The following SLC24A2 variants were observed in gnomAD, a reference collection of about 807,000 sequenced individuals.
The protein encoded by SLC24A2 is solute carrier family 24 member 2.
Under a neutral mutation model 62.0 loss-of-function variants are expected in SLC24A2, and 36 were observed. The ratio of observed to expected loss-of-function variants is 0.58; its 90% confidence interval spans 0.44 to 0.77. The LOEUF is 0.77. Among genes scored for constraint, SLC24A2 ranks in the 30% least tolerant of loss-of-function variants. The probability of loss-of-function intolerance (pLI) is 0.00; values close to 1 mark genes in which losing one functional copy is unlikely to be tolerated. For synonymous variants in SLC24A2, 358 were observed against 294.0 expected (o/e 1.22, Z -2.23); for missense variants, 846 against 817.9 (o/e 1.03, Z -0.42).
chr9:20,005,078 G>T, the SLC24A2 span, among the ~76,000 whole-genome samples: 1 of 152,052 alleles, frequency 6.6e-6, no homozygotes, highest in East Asian at 1.9e-4. Flanking sequence ...CCAAATATGG[G>T]CATTAAAACT....
At chr9:19,926,440 C>G in the SLC24A2 span, 3 of 152,046 alleles carry the variant, frequency 2.0e-5, no homozygotes, top group Admixed American at 2.0e-4. Flanking sequence ...TGCTGCCAAG[C>G]GCAAGCATTC....
intron 2 of SLC24A2, among the ~76,000 whole-genome samples, chr9:19,763,217 C>A (rs1004423877): frequency 1.3e-5 from 2 of 152,186 alleles, no homozygotes; most frequent in African/African-American, 4.8e-5. Flanking sequence ...AGTTTTTGAG[C>A]TGAGACAATG....
At chr9:19,663,555 C>G (rs898271070) in intron 2 of SLC24A2, among the ~76,000 whole-genome samples, 15 of 152,112 alleles carry the variant, frequency 9.9e-5, no homozygotes, top group African/African-American at 3.6e-4. Context: ...GGGAATGGAT[C>G]AGAACAGCAG....
At chr9:19,534,541 T>C (rs974259264) in intron 8 of SLC24A2, among the ~76,000 whole-genome samples, 6 of 151,976 alleles carry the variant, frequency 3.9e-5, no homozygotes, top group African/African-American at 1.4e-4. Flanking sequence ...CAGTGTGTGA[T>C]GATCCCCTCC....
chr9:20,052,150 T>C, the SLC24A2 span, among the ~76,000 whole-genome samples: 18 of 152,330 alleles, frequency 1.2e-4, no homozygotes, highest in East Asian at 3.5e-3. Flanking sequence ...ATTTAATTGC[T>C]TCATTAACAT....
intron 5 of SLC24A2, among the ~76,000 whole-genome samples, chr9:19,579,861 C>A (rs1836150468): frequency 6.6e-6 from 1 of 152,252 alleles, no homozygotes; most frequent in African/African-American, 2.4e-5. Context: ...GGAAGGGGAG[C>A]CATGCCCTCT....
intron 2 of SLC24A2, among the ~76,000 whole-genome samples, chr9:19,728,967 C>T (rs1213086477): frequency 2.0e-5 from 3 of 152,124 alleles, no homozygotes; most frequent in Non-Finnish European, 4.4e-5. Flanking sequence ...GCACAGGAGC[C>T]TGAGGTAGGC....
chr9:20,272,223 G>A, the SLC24A2 span, among the ~76,000 whole-genome samples: 2 of 152,176 alleles, frequency 1.3e-5, no homozygotes, highest in South Asian at 2.1e-4. Flanking sequence ...ATTAGAAAAT[G>A]AAGTCCTTTT....
chr9:19,959,973 T>G, the SLC24A2 span, among the ~76,000 whole-genome samples: 1,312 of 152,302 alleles, frequency 8.6e-3, 5 homozygotes, highest in Non-Finnish European at 0.012. Context: ...TTTTCTTTAA[T>G]AATTATATTT....
chr9:20,156,844 C>A, the SLC24A2 span, among the ~76,000 whole-genome samples: 1 of 151,642 alleles, frequency 6.6e-6, no homozygotes, highest in African/African-American at 2.4e-5. Context: ...AGTACTGCAA[C>A]ACATCAATTA....
the SLC24A2 span, among the ~76,000 whole-genome samples, chr9:20,264,624 T>C: frequency 1.3e-5 from 2 of 152,230 alleles, no homozygotes; most frequent in Non-Finnish European, 2.9e-5. Flanking sequence ...GGGTTCCTCC[T>C]CTGGAAGATG....
At chr9:19,547,387 G>A (rs1369479083) in intron 8 of SLC24A2, among the ~76,000 whole-genome samples, 1 of 152,148 alleles carries the variant, frequency 6.6e-6, no homozygotes, top group Admixed American at 6.5e-5. Context: ...CTGTTTTCTT[G>A]CTCTGTGCCT....
chr9:20,060,715 G>A, the SLC24A2 span, among the ~76,000 whole-genome samples: 45 of 152,160 alleles, frequency 3.0e-4, no homozygotes, highest in African/African-American at 7.9e-4. Context: ...AAAACTGTGC[G>A]CCTAAGAAAT....
At chr9:20,239,014 A>G in the SLC24A2 span, among the ~76,000 whole-genome samples, 1 of 152,216 alleles carries the variant, frequency 6.6e-6, no homozygotes, top group African/African-American at 2.4e-5. Context: ...CTCTCACCAG[A>G]AACTAAATTG....
chr9:19,676,464 G>C (rs1819562786), intron 2 of SLC24A2, among the ~76,000 whole-genome samples: 1 of 152,160 alleles, frequency 6.6e-6, no homozygotes, highest in Non-Finnish European at 1.5e-5. Flanking sequence ...GAAGAGCTGG[G>C]CTCTGTCCTG....
At chr9:19,518,967 A>T (rs558328231) in intron 10 of SLC24A2, among the ~76,000 whole-genome samples, 13 of 152,304 alleles carry the variant, frequency 8.5e-5, no homozygotes, top group African/African-American at 3.1e-4. Flanking sequence ...GCTTAAAGGA[A>T]TTTATCCTAA....
the SLC24A2 span, among the ~76,000 whole-genome samples, chr9:19,970,639 T>C: frequency 1.3e-5 from 2 of 152,062 alleles, no homozygotes; most frequent in Admixed American, 1.3e-4. Flanking sequence ...AATAATACCA[T>C]GGGATGAAGA....
chr9:19,584,207 G>C (rs1250392941), intron 5 of SLC24A2, among the ~76,000 whole-genome samples: 1 of 146,326 alleles, frequency 6.8e-6, no homozygotes, highest in Non-Finnish European at 1.5e-5. Context: ...ACTATGATCA[G>C]CTCCTCTGGG....
At chr9:20,147,519 G>A in the SLC24A2 span, among the ~76,000 whole-genome samples, 2 of 152,118 alleles carry the variant, frequency 1.3e-5, no homozygotes, top group Admixed American at 6.6e-5. Context: ...CAAAGCTAGA[G>A]AAAAGAGCTA....
Sources: gnomAD v4.1 joint callset for allele counts (sites outside exome capture counted in the v4.1 genomes callset) on GRCh38, gnomAD v4.1.1 for gene constraint, MANE v1.5 for transcripts, NCBI Gene and HGNC (gene_info 2026-07-23, HGNC 2026-07-21) for gene names.